MYO16: variants seen among roughly 807,000 people sequenced by gnomAD.
MYO16 encodes the protein unconventional myosin-XVI.
In MYO16, 94 loss-of-function variants were observed where a neutral mutation model predicts 205.3. The observed-to-expected ratio is 0.46, with a 90% CI of 0.39 to 0.54. MYO16 has a LOEUF of 0.54. MYO16 is among the 20% of genes least tolerant of loss of function. The pLI is 0.00. For missense variants in MYO16, 2,315 were observed against 2,387.5 expected, an observed-to-expected ratio of 0.97 and a Z score of 0.63; for synonymous variants, 988 against 954.0, an observed-to-expected ratio of 1.04 and a Z score of -0.66.
At chr13:108,746,918 G>T (rs1254979660) in intron 4 of MYO16, among the ~76,000 whole-genome samples, 2 of 151,898 alleles carry the variant, frequency 1.3e-5, no homozygotes, top group Admixed American at 6.5e-5. Flanking sequence ...AGGCAGGAAA[G>T]ATACCTTATT....
chr13:109,043,097 A>T (rs1886932822), intron 23 of MYO16, among the ~76,000 whole-genome samples: 1 of 152,208 alleles, frequency 6.6e-6, no homozygotes, highest in Non-Finnish European at 1.5e-5. Context: ...TGCTGATGAA[A>T]GATTAGTTAG....
At chr13:108,670,815 T>A (rs1881949725) in intron 2 of MYO16, among the ~76,000 whole-genome samples, 1 of 152,190 alleles carries the variant, frequency 6.6e-6, no homozygotes, top group Admixed American at 6.5e-5. Flanking sequence ...TTATTTCACA[T>A]GTATATATGG....
intron 4 of MYO16, among the ~76,000 whole-genome samples, chr13:108,729,726 G>A (rs1460996408): frequency 6.6e-6 from 1 of 152,182 alleles, no homozygotes; most frequent in African/African-American, 2.4e-5. Flanking sequence ...ACAGGCTTCA[G>A]TTTCTTGAGT....
chr13:108,694,898 A>C (rs2139504076), intron 2 of MYO16, among the ~76,000 whole-genome samples: 1 of 152,268 alleles, frequency 6.6e-6, no homozygotes, highest in Admixed American at 6.5e-5. Context: ...GGATCACCTG[A>C]GGTCGGGAGT....
the MYO16 span, among the ~76,000 whole-genome samples, chr13:108,546,046 T>G: frequency 1.3e-5 from 2 of 152,192 alleles, no homozygotes; most frequent in Non-Finnish European, 2.9e-5. Context: ...TGGTCCAGCT[T>G]CCGTTATAGC....
At position 109,170,131 on chromosome 13, in the gene MYO16, G is replaced by GA. The variant is rs66502953; in HGVS notation, c.5323+5083dup. 7.1e-3 allele frequency among the ~76,000 whole-genome samples: 1,051 copies of GA among 148,180 alleles called. 12 individuals are homozygous for GA. The highest frequency in any genetic ancestry group is 0.025 in the African/African-American group (996 of 40,580). ...AAAAGTTTTAACCATAAAGAAAAAA[G>GA]AAAAAAAAAAACATAAATAGGGAGA... is the stretch of plus-strand genomic sequence containing the variant. On this transcript the variant is annotated intron_variant, in intron 33 of 34. Coordinates refer to ENST00000457511, the MANE Select transcript of MYO16 (RefSeq NM_001198950.3).
chr13:108,801,986 T>C lies in MYO16; in HGVS notation c.742-4693T>C, dbSNP rs183402801. ...ATTTTAAATTGACAAATAATACTTA[T>C]ATGCATTTATGGGGTACAGTGTGAA... On this transcript the variant is annotated intron_variant, in intron 6 of 34. Coordinates refer to ENST00000457511, the MANE Select transcript of MYO16 (RefSeq NM_001198950.3). Among the ~76,000 whole-genome samples the C allele has an allele frequency of 2.1e-4, 32 of 152,332 alleles. No individual in the cohort carries two copies. In the East Asian group the frequency reaches 5.4e-3, roughly 26 times the overall value.
At chr13:109,011,498 C>CTTTTTTTTTTTTTTTTTTTTTTTTTTT (rs34575828) in intron 22 of MYO16, among the ~76,000 whole-genome samples, 2 of 129,944 alleles carry the variant, frequency 1.5e-5, no homozygotes, top group Non-Finnish European at 3.2e-5. Context: ...TTCTTCCTTT[C>CTTTTTTTTTTTTTTTTTTTTTTTTTTT]TTTTTTTTTT....
intron 2 of MYO16, among the ~76,000 whole-genome samples, chr13:108,705,852 T>TA (rs1263652965): frequency 6.6e-6 from 1 of 152,208 alleles, no homozygotes; most frequent in Admixed American, 6.5e-5. Flanking sequence ...ATAAAATCTT[T>TA]CCACAAAGGA....
chr13:109,203,545 C>T (rs1378978861), intron 34 of MYO16, among the ~76,000 whole-genome samples: 1 of 151,974 alleles, frequency 6.6e-6, no homozygotes, highest in African/African-American at 2.4e-5. Flanking sequence ...TGCTGGAGAA[C>T]CAGTCTACCC....
rs1048333218 is a variant in MYO16, at chr13:109,207,080, G to A, written c.*244G>A. On this transcript the variant is annotated 3_prime_UTR_variant, in exon 35 of 35. Coordinates refer to ENST00000457511, the MANE Select transcript of MYO16 (RefSeq NM_001198950.3). ...TCTGATTTTCAAGCTCCTCATTTAC[G>A]GCTCTGTGCTACCCCTAGGTAGCAA... 6.2e-6 allele frequency: 3 copies of A among 484,668 alleles called. No individual in the cohort carries two copies. The highest frequency in any genetic ancestry group is 1.9e-5 in the African/African-American group (1 of 51,456). The allele number at this position is 484,668 out of a possible 1,614,324, so 30.0% of individuals were successfully genotyped here.
chr13:108,949,778 T>C (rs1883071413), intron 16 of MYO16, among the ~76,000 whole-genome samples: 1 of 152,118 alleles, frequency 6.6e-6, no homozygotes, highest in African/African-American at 2.4e-5. Flanking sequence ...AGGCCTACCA[T>C]GCAGCTAGAG....
intron 7 of MYO16, among the ~76,000 whole-genome samples, chr13:108,807,393 G>T (rs536084461): frequency 3.7e-4 from 57 of 152,002 alleles, no homozygotes; most frequent in African/African-American, 1.1e-3. Flanking sequence ...ATCATATTGC[G>T]TGGGGAAGTT....
chr13:108,633,636 C>G (rs1485166671), intron 1 of MYO16, among the ~76,000 whole-genome samples: 1 of 152,164 alleles, frequency 6.6e-6, no homozygotes, highest in African/African-American at 2.4e-5. Context: ...CAGACACACC[C>G]AGGAACAATA....
intron 28 of MYO16, among the ~76,000 whole-genome samples, chr13:109,112,203 T>C (rs976346066): frequency 1.3e-5 from 2 of 152,132 alleles, no homozygotes; most frequent in African/African-American, 4.8e-5. Context: ...TAGCTCATAT[T>C]ATGGAGGGCT....
chr13:109,132,788 C>T (rs900745979), intron 31 of MYO16, among the ~76,000 whole-genome samples: 3 of 152,190 alleles, frequency 2.0e-5, no homozygotes, highest in South Asian at 2.1e-4. Flanking sequence ...CCACCTATGA[C>T]GCAGTTGTAC....
At position 109,155,568 on chromosome 13, in the gene MYO16, A is replaced by G. The variant is rs191537826; in HGVS notation, c.5165-9333A>G. Among the ~76,000 whole-genome samples, 444 of 152,314 alleles carry G rather than the reference A, an allele frequency of 2.9e-3. 5 individuals carry two copies. The highest frequency in any genetic ancestry group is 0.01 in the African/African-American group (420 of 41,574). On this transcript the variant is annotated intron_variant, in intron 32 of 34. Transcript: ENST00000457511. ...GCTTATAGAAATATGACCTGTCCAC[A>G]TAGTGTGGGTAACAGCTGTGTCACA...
intron 27 of MYO16, among the ~76,000 whole-genome samples, chr13:109,087,496 A>C (rs1888469247): frequency 6.6e-6 from 1 of 152,172 alleles, no homozygotes; most frequent in Non-Finnish European, 1.5e-5. Flanking sequence ...AAATACAAAA[A>C]TTAGCTGGGC....
intron 34 of MYO16, among the ~76,000 whole-genome samples, chr13:109,185,938 T>G (rs1879668048): frequency 6.6e-6 from 1 of 152,236 alleles, no homozygotes; most frequent in Admixed American, 6.5e-5. Context: ...TTGTTTTTGC[T>G]GTGGTGGGAC....
Sources: gnomAD v4.1 joint callset for allele counts (sites outside exome capture counted in the v4.1 genomes callset) on GRCh38, gnomAD v4.1.1 for gene constraint, MANE v1.5 for transcripts, NCBI Gene and HGNC (gene_info 2026-07-23, HGNC 2026-07-21) for gene names.